The following CLEC16A variants were observed in gnomAD, a reference collection of about 807,000 sequenced individuals.
CLEC16A encodes the protein C-type lectin domain containing 16A, also known as protein CLEC16A.
CLEC16A carries 51 observed loss-of-function variants against 109.5 expected under a neutral mutation model. That is an observed-to-expected ratio of 0.47 (90% confidence interval 0.37 to 0.59). The LOEUF is 0.59. Among genes scored for constraint, CLEC16A ranks in the 20% least tolerant of loss-of-function variants. The pLI is 0.00. For synonymous variants in CLEC16A, 673 were observed against 564.2 expected, an observed-to-expected ratio of 1.19 and a Z score of -2.73; for missense variants, 1,339 against 1,394.0, an observed-to-expected ratio of 0.96 and a Z score of 0.63.
chr16:11,140,532 A>G (rs2053775993), intron 22 of CLEC16A, among the ~76,000 whole-genome samples: 1 of 152,188 alleles, frequency 6.6e-6, no homozygotes, highest in Non-Finnish European at 1.5e-5. Flanking sequence ...GGTGGAGGCC[A>G]TGGCTTTCCC....
At chr16:11,062,009 T>G (rs2048505702) in intron 19 of CLEC16A, among the ~76,000 whole-genome samples, 1 of 152,196 alleles carries the variant, frequency 6.6e-6, no homozygotes, top group African/African-American at 2.4e-5. Context: ...TTCCCTTTAA[T>G]TCTCTAAAGT....
intron 7 of CLEC16A, among the ~76,000 whole-genome samples, chr16:10,975,574 C>T (rs74423828): frequency 0.12 from 18,423 of 152,082 alleles, 1,079 homozygotes; most frequent in South Asian, 0.14. Flanking sequence ...CTCAGGCGCA[C>T]GGTGGGTTCA....
chr16:11,026,593 A>G (rs1337765432), intron 13 of CLEC16A, among the ~76,000 whole-genome samples: 1 of 121,698 alleles, frequency 8.2e-6, no homozygotes. Flanking sequence ...GCTACCCTCT[A>G]TTGTTCTGCT....
chr16:11,079,115 C>A (rs904763129), intron 19 of CLEC16A, among the ~76,000 whole-genome samples: 1 of 152,168 alleles, frequency 6.6e-6, no homozygotes, highest in African/African-American at 2.4e-5. Context: ...GTAGCTGAAC[C>A]CATTCTGTGC....
chr16:10,991,423 CAAAAAAAAAAA>C (rs756161193), intron 10 of CLEC16A, among the ~76,000 whole-genome samples: 6 of 63,340 alleles, frequency 9.5e-5, no homozygotes, highest in African/African-American at 1.8e-4. Context: ...GACTCCGTCT[CAAAAAAAAAAA>C]AAAAAAAAAA....
chr16:11,100,757 A>G (rs1458560782), intron 19 of CLEC16A, among the ~76,000 whole-genome samples: 1 of 152,166 alleles, frequency 6.6e-6, no homozygotes, highest in African/African-American at 2.4e-5. Context: ...TAAATATTAC[A>G]CTGTAACTGT....
At chr16:11,132,014 C>A (rs1378031501) in intron 22 of CLEC16A, among the ~76,000 whole-genome samples, 1 of 152,208 alleles carries the variant, frequency 6.6e-6, no homozygotes, top group Non-Finnish European at 1.5e-5. Flanking sequence ...CAAAAAGGGG[C>A]CTTCCCTGAG....
At chr16:10,979,301 C>T (rs753874350) in intron 8 of CLEC16A, 28 bp from the exon 9 acceptor site, 3 of 1,604,574 alleles carry the variant, frequency 1.9e-6, no homozygotes, top group Non-Finnish European at 2.6e-6. Context: ...CCTGATCTCT[C>T]TCTCTCTCTC....
At chr16:11,124,660 C>A (rs1334869019) in intron 21 of CLEC16A, among the ~76,000 whole-genome samples, 2 of 152,196 alleles carry the variant, frequency 1.3e-5, no homozygotes, top group African/African-American at 4.8e-5. Flanking sequence ...ATGCTGTCAA[C>A]TCCTAAAATG....
intron 11 of CLEC16A, among the ~76,000 whole-genome samples, chr16:11,019,542 G>C (rs1290072095): frequency 6.6e-6 from 1 of 152,236 alleles, no homozygotes; most frequent in Admixed American, 6.5e-5. Flanking sequence ...GCCGAGGTGG[G>C]TGGATCACCT....
At chr16:11,173,592 C>T (rs570953672) in intron 23 of CLEC16A, among the ~76,000 whole-genome samples, 106 of 152,266 alleles carry the variant, frequency 7.0e-4, no homozygotes, top group African/African-American at 2.5e-3. Context: ...TCTGAGCTTT[C>T]TCAGGACTCG....
At chr16:11,004,490 G>T (rs2044869658) in intron 11 of CLEC16A, among the ~76,000 whole-genome samples, 1 of 152,138 alleles carries the variant, frequency 6.6e-6, no homozygotes, top group Non-Finnish European at 1.5e-5. Flanking sequence ...CTCCTCCTGG[G>T]CCTTGGGCTC....
chr16:11,086,689 C>T (rs527663746), intron 19 of CLEC16A, among the ~76,000 whole-genome samples: 1 of 152,230 alleles, frequency 6.6e-6, no homozygotes, highest in African/African-American at 2.4e-5. Flanking sequence ...AATACAGGCG[C>T]CTGCCACCAT....
At chr16:10,962,691 C>A in intron 3 of CLEC16A, 103 bp downstream of exon 3, 1 of 1,252,120 alleles carries the variant, frequency 8.0e-7, no homozygotes, top group Non-Finnish European at 1.1e-6. Flanking sequence ...TCGGCTCAGG[C>A]TATCCTAACA....
intron 10 of CLEC16A, among the ~76,000 whole-genome samples, chr16:10,989,880 T>C (rs556947826): frequency 4.6e-5 from 7 of 152,224 alleles, no homozygotes; most frequent in Admixed American, 2.0e-4. Flanking sequence ...TGCAGGGCTT[T>C]CTTTACAACT....
intron 10 of CLEC16A, among the ~76,000 whole-genome samples, chr16:10,993,828 C>T (rs2044172460): frequency 6.6e-6 from 1 of 152,214 alleles, no homozygotes; most frequent in African/African-American, 2.4e-5. Flanking sequence ...ATTCATCCCA[C>T]AAGCATTCCC....
chr16:11,135,464 G>A (rs2153056383), intron 22 of CLEC16A, among the ~76,000 whole-genome samples: 1 of 152,370 alleles, frequency 6.6e-6, no homozygotes, highest in South Asian at 2.1e-4. Context: ...TATGGACACA[G>A]TAGGCAGGGC....
intron 13 of CLEC16A, among the ~76,000 whole-genome samples, chr16:11,028,968 AT>A (rs2046584502): frequency 6.6e-6 from 1 of 151,844 alleles, no homozygotes; most frequent in Non-Finnish European, 1.5e-5. Flanking sequence ...TCTCTTATTG[AT>A]TTTTCTCCTG....
chr16:11,093,502 G>A (rs757872338), intron 19 of CLEC16A, among the ~76,000 whole-genome samples: 1 of 152,202 alleles, frequency 6.6e-6, no homozygotes, highest in African/African-American at 2.4e-5. Context: ...ATTCTGCCCG[G>A]ACTCAAGGGT....
Sources: allele counts gnomAD v4.1 joint callset (sites outside exome capture counted in the v4.1 genomes callset), GRCh38; gene constraint gnomAD v4.1.1; transcripts MANE v1.5; gene names NCBI Gene and HGNC (gene_info 2026-07-23, HGNC 2026-07-21).